The following CLIC6 variants were observed in gnomAD, a reference collection of about 807,000 sequenced individuals.
CLIC6 encodes the protein CLIC family member 6, also known as chloride intracellular channel protein 6.
In CLIC6, 39 loss-of-function variants were observed where a neutral mutation model predicts 49.2. That is an observed-to-expected ratio of 0.79 (90% CI 0.61 to 1.04). CLIC6 has a LOEUF of 1.04. Among genes scored for constraint, CLIC6 ranks in the 50% least tolerant of loss-of-function variants. CLIC6 has a pLI of 0.00. For synonymous variants in CLIC6, 446 were observed against 433.4 expected (o/e 1.03, Z -0.36); for missense variants, 988 against 993.1 (o/e 0.99, Z 0.07).
chr21:34,709,337 T>G lies in CLIC6; in HGVS notation c.1718-20T>G. On this transcript the variant is annotated intron_variant, in intron 4 of 5. Transcript: ENST00000349499. ...GCACTTGCAAACCTCTCTTTGTGAT[T>G]TCTTGCCCTTCTGTTTTAGTTCATG... 1 of 1,602,772 alleles carries G rather than the reference T, an allele frequency of 6.2e-7. No homozygotes were observed. Among genetic ancestry groups the G allele is most frequent in the Non-Finnish European group, 8.5e-7 (1 of 1,173,406 alleles).
In CLIC6 at chr21:34,669,141, G is replaced by A. The variant is rs1373662717; in HGVS notation, c.-248G>A. On this transcript the variant is annotated 5_prime_UTR_variant, in exon 1 of 6. Transcript: ENST00000349499. ...GACGCGCAATCGGGGAGAAGCTCCA[G>A]CAGTGGAGGAAGAGTCCAGGGAGTT... 3.9e-5 allele frequency among the ~76,000 whole-genome samples: 6 copies of A among 152,266 alleles called. No individual in the cohort carries two copies. The highest frequency in any genetic ancestry group is 7.3e-5 in the Non-Finnish European group (5 of 68,044).
At chr21:34,711,249 C>T (rs2056054409) in intron 5 of CLIC6, among the ~76,000 whole-genome samples, 2 of 151,988 alleles carry the variant, frequency 1.3e-5, no homozygotes, top group African/African-American at 4.8e-5. Context: ...TACAAGGTAG[C>T]GGCCAGGCGC....
chr21:34,687,534 T>C (rs921893271), intron 1 of CLIC6, among the ~76,000 whole-genome samples: 1 of 152,222 alleles, frequency 6.6e-6, no homozygotes, highest in Non-Finnish European at 1.5e-5. Context: ...TACCAGTTTG[T>C]TTGCTCAAGG....
Position 34,669,657 on chromosome 21 carries a change from C to T in CLIC6, c.269C>T (p.Pro90Leu), listed in dbSNP as rs571614304. 3.5e-4 allele frequency: 461 copies of T among 1,325,058 alleles called. No homozygotes were observed. The highest frequency in any genetic ancestry group is 4.3e-4 in the Non-Finnish European group (453 of 1,042,418). 82.1% of individuals were successfully genotyped at this position (1,325,058 alleles called of 1,614,324 possible). A position where few individuals can be genotyped will look rare whatever the true frequency, so the allele number is the denominator to read the frequency against. Residue 90 changes from proline to leucine, a missense_variant, in exon 1 of 6, where the codon CCG (proline) becomes CTG (leucine). Pro to Leu is a moderately conservative substitution (Grantham distance 98, BLOSUM62 -3). Transcript: ENST00000349499. ...GAGACTGAGGCCGAGGAGGGAGCCC[C>T]GGAGGGTGCCGAGGTGCCCCAAGGA... is the stretch of plus-strand genomic sequence containing the variant. ...HGETEAEEGA[P>L]EGAEVPQGGE...
At chr21:34,698,973 G>C (rs964526826) in intron 1 of CLIC6, among the ~76,000 whole-genome samples, 28 of 152,156 alleles carry the variant, frequency 1.8e-4, no homozygotes, top group Non-Finnish European at 3.5e-4. Context: ...GAAGAGTCCA[G>C]TTTCCATCTT....
intron 1 of CLIC6, among the ~76,000 whole-genome samples, chr21:34,695,151 G>A (rs1442796392): frequency 6.6e-6 from 1 of 152,190 alleles, no homozygotes; most frequent in Non-Finnish European, 1.5e-5. Flanking sequence ...CTTTCTGGAG[G>A]CTCTAGGAGA....
rs1038090438 is a variant in CLIC6 at position 34,709,433 on chromosome 21, T to A, written c.1794T>A (p.Asp598Glu). Reference protein sequence around the residue: ...YLNSPLPDEIDAYSTEDVTVS... With the variant: ...YLNSPLPDEIEAYSTEDVTVS... ...ATAGCCCTCTGCCTGATGAAATAGA[T>A]GCCTACAGCACCGAGGATGTCACTG... is the stretch of plus-strand genomic sequence containing the variant. The change falls in exon 5 of 6, where the codon GAT (aspartate) becomes GAA (glutamate). Residue 598 changes from aspartate to glutamate, a missense_variant. Around this residue, in one of 3 missense-constraint regions of CLIC6, gnomAD observed 647 missense variants for 596.9 expected, o/e 1.08. Transcript: ENST00000349499. The A allele has an allele frequency of 6.2e-7, 1 of 1,614,030 alleles. No individual in the cohort carries two copies.
chr21:34,710,242 C>T (rs1356075902), intron 5 of CLIC6, among the ~76,000 whole-genome samples: 1 of 152,138 alleles, frequency 6.6e-6, no homozygotes, highest in African/African-American at 2.4e-5. Context: ...GGTGGCACTG[C>T]ACTCTGGCCT....
intron 1 of CLIC6, among the ~76,000 whole-genome samples, chr21:34,701,813 C>G (rs1306704355): frequency 6.6e-6 from 1 of 152,168 alleles, no homozygotes; most frequent in Non-Finnish European, 1.5e-5. Context: ...ATCAAGAAGT[C>G]TCATCAATTT....
chr21:34,716,048 T>G (rs746713869), intron 5 of CLIC6, among the ~76,000 whole-genome samples: 2 of 152,178 alleles, frequency 1.3e-5, no homozygotes, highest in Non-Finnish European at 2.9e-5. Context: ...CAGAGCATAC[T>G]CGTGCCAGCG....
chr21:34,710,093 C>T lies in CLIC6; in HGVS notation c.1899+555C>T, dbSNP rs372792408. On this transcript the variant is annotated intron_variant, in intron 5 of 5. Coordinates refer to ENST00000349499, the MANE Select transcript of CLIC6 (RefSeq NM_053277.3). ...TTCAAGACCAGCCAGGGCAACATAG[C>T]GAGACCCCATCTATACAAAAAATAA... is the stretch of plus-strand genomic sequence containing the variant. Among the ~76,000 whole-genome samples the T allele has an allele frequency of 7.2e-3, 1,096 of 151,254 alleles. 4 individuals carry two copies. The highest frequency in any genetic ancestry group is 0.016 in the South Asian group (74 of 4,770).
chr21:34,695,977 T>C (rs1340244975), intron 1 of CLIC6, among the ~76,000 whole-genome samples: 1 of 152,190 alleles, frequency 6.6e-6, no homozygotes, highest in Admixed American at 6.5e-5. Flanking sequence ...CAGGACTTCC[T>C]GGTTTCTGCA....
intron 5 of CLIC6, among the ~76,000 whole-genome samples, chr21:34,712,847 GCCCTAACCCTAA>G (rs60327192): frequency 9.9e-4 from 149 of 149,798 alleles, no homozygotes; most frequent in African/African-American, 1.3e-3. Flanking sequence ...AGTGGAGGAT[GCCCTAACCCTAA>G]CCCTAACCCT....
chr21:34,669,339 T>C lies in CLIC6; in HGVS notation c.-50T>C, dbSNP rs73357389. On this transcript the variant is annotated 5_prime_UTR_variant, in exon 1 of 6. Coordinates refer to ENST00000349499, the MANE Select transcript of CLIC6 (RefSeq NM_053277.3). Reference sequence around the variant, plus strand: ...GCCCCTTGCCCAGCGCCACCGACCCTTAAGCAGCGTCAAGGAAGGAGTCCC... The same window carrying C: ...GCCCCTTGCCCAGCGCCACCGACCCCTAAGCAGCGTCAAGGAAGGAGTCCC... 292,522 of 1,227,954 alleles carry C rather than the reference T, an allele frequency of 0.24. 36,468 individuals are homozygous for C. Among genetic ancestry groups the C allele is most frequent in the African/African-American group, 0.41 (26,701 of 64,376 alleles). The allele number at this position is 1,227,954 out of a possible 1,614,324, so 76.1% of individuals were successfully genotyped here.
intron 3 of CLIC6, among the ~76,000 whole-genome samples, chr21:34,708,299 G>A (rs541604182): frequency 6.6e-6 from 1 of 152,314 alleles, no homozygotes; most frequent in South Asian, 2.1e-4. Context: ...GGGAGGAGAT[G>A]GGTCCAGGGT....
At chr21:34,702,282 G>T (rs991410500) in intron 1 of CLIC6, among the ~76,000 whole-genome samples, 38 of 152,128 alleles carry the variant, frequency 2.5e-4, no homozygotes, top group African/African-American at 8.7e-4. Flanking sequence ...AAACCTGCCC[G>T]TGTCCCAGGA....
rs927935328 is a variant in CLIC6, at chr21:34,703,449, C to T, written c.1375-3831C>T. Reference sequence around the variant, plus strand: ...AGTCATCGCCCCGTCAGGTCTGCGTCGGGATGCCAGGTGTTTGGTCCTTTG... The same window carrying T: ...AGTCATCGCCCCGTCAGGTCTGCGTTGGGATGCCAGGTGTTTGGTCCTTTG... On this transcript the variant is annotated intron_variant, in intron 1 of 5. Transcript: ENST00000349499. Among the ~76,000 whole-genome samples, 8 of 151,802 alleles carry T rather than the reference C, an allele frequency of 5.3e-5. No individual in the cohort carries two copies. In the East Asian group the frequency reaches 7.7e-4, roughly 15 times the overall value.
At chr21:34,676,894 C>T (rs752181685) in intron 1 of CLIC6, among the ~76,000 whole-genome samples, 1 of 151,762 alleles carries the variant, frequency 6.6e-6, no homozygotes, top group Admixed American at 6.6e-5. Context: ...GTATTCAAAT[C>T]TTCTAAAATT....
intron 1 of CLIC6, among the ~76,000 whole-genome samples, chr21:34,700,488 T>C (rs1185750689): frequency 7.3e-6 from 1 of 137,834 alleles, no homozygotes; most frequent in Non-Finnish European, 1.6e-5. Context: ...AGAGAAATGA[T>C]TTGGAGGCTG....
Sources: allele counts gnomAD v4.1 joint callset (sites outside exome capture counted in the v4.1 genomes callset), GRCh38; gene constraint gnomAD v4.1.1; regional missense constraint gnomAD v4.1.1; transcripts MANE v1.5; gene names NCBI Gene and HGNC (gene_info 2026-07-23, HGNC 2026-07-21).